Variants in TRPM3 observed in about 807,000 individuals in gnomAD.
TRPM3 encodes transient receptor potential cation channel subfamily M member 3, also known as long transient receptor potential channel 3.
In TRPM3, 77 loss-of-function variants were observed where a neutral mutation model predicts 181.2. The observed-to-expected ratio is 0.42, with a 90% CI of 0.35 to 0.51. The LOEUF (loss-of-function observed/expected upper bound fraction) is 0.51. TRPM3 is among the 20% of genes least tolerant of loss of function. The probability of loss-of-function intolerance (pLI) is 0.01; values close to 1 mark genes in which losing one functional copy is unlikely to be tolerated. For missense variants in TRPM3, 1,759 were observed against 2,196.7 expected, an observed-to-expected ratio of 0.80 and a Z score of 3.98; for synonymous variants, 745 against 796.4, an observed-to-expected ratio of 0.94 and a Z score of 1.09.
At chr9:71,258,223 G>A (rs2082796733) in intron 1 of TRPM3, among the ~76,000 whole-genome samples, 1 of 152,126 alleles carries the variant, frequency 6.6e-6, no homozygotes. Flanking sequence ...ACATTATACA[G>A]TGAATGCTGT....
At chr9:70,576,261 G>A (rs954551985) in intron 22 of TRPM3, among the ~76,000 whole-genome samples, 1 of 152,172 alleles carries the variant, frequency 6.6e-6, no homozygotes, top group Non-Finnish European at 1.5e-5. Context: ...CTCCCTTCCT[G>A]ATTTCCTAAT....
At chr9:71,025,458 C>T (rs992972267) in intron 1 of TRPM3, among the ~76,000 whole-genome samples, 2 of 152,158 alleles carry the variant, frequency 1.3e-5, no homozygotes, top group African/African-American at 4.8e-5. Flanking sequence ...TTTTCTTAAA[C>T]GTATGGGCAT....
intron 1 of TRPM3, among the ~76,000 whole-genome samples, chr9:70,888,646 C>A (rs2096137093): frequency 6.6e-6 from 1 of 152,062 alleles, no homozygotes. Context: ...TGTATCATAT[C>A]CTCTTCCTGA....
intron 1 of TRPM3, among the ~76,000 whole-genome samples, chr9:71,413,763 G>A (rs960970093): frequency 6.6e-6 from 1 of 152,040 alleles, no homozygotes; most frequent in Admixed American, 6.6e-5. Context: ...TAGCATTCAA[G>A]GTGCCATTTT....
intron 1 of TRPM3, among the ~76,000 whole-genome samples, chr9:71,001,078 T>C (rs562193740): frequency 3.3e-5 from 5 of 152,274 alleles, no homozygotes; most frequent in South Asian, 2.1e-4. Flanking sequence ...ACAGGAGAGA[T>C]TGGTGTAGCA....
intron 24 of TRPM3, among the ~76,000 whole-genome samples, chr9:70,549,909 G>A (rs2046052366): frequency 6.6e-6 from 1 of 152,170 alleles, no homozygotes; most frequent in African/African-American, 2.4e-5. Flanking sequence ...CTGGTTTACT[G>A]CAGGAGCTGA....
Position 70,860,943 on chromosome 9 carries a change from A to T in TRPM3, c.462+1965T>A, listed in dbSNP as rs528186628. Among the ~76,000 whole-genome samples the T allele has an allele frequency of 2.6e-5, 4 of 152,262 alleles. No individual in the cohort carries two copies. The South Asian group carries it at 8.3e-4, about 32-fold the overall frequency. On this transcript the variant is annotated intron_variant, in intron 3 of 25. Transcript: ENST00000677713. ...GAATACAATTACTGAGGCTCAGAAA[A>T]TTTAAGTAATTTTCTCCATGTCATA...
chr9:70,996,570 G>T (rs923227668), intron 1 of TRPM3, among the ~76,000 whole-genome samples: 1 of 152,204 alleles, frequency 6.6e-6, no homozygotes, highest in African/African-American at 2.4e-5. Context: ...CAGATTATGT[G>T]CAAGGCCAAC....
intron 1 of TRPM3, among the ~76,000 whole-genome samples, chr9:71,056,675 A>G (rs918865962): frequency 1.3e-5 from 2 of 152,094 alleles, no homozygotes; most frequent in Admixed American, 1.3e-4. Flanking sequence ...TAGGACACAG[A>G]CAGGCATAGA....
intron 7 of TRPM3, among the ~76,000 whole-genome samples, chr9:70,781,325 A>G (rs1488462050): frequency 6.9e-5 from 4 of 57,562 alleles, no homozygotes; most frequent in Admixed American, 5.6e-4. Context: ...ATTCCATTTC[A>G]TAAAAAAAAA....
At chr9:71,408,475 G>A (rs369432426) in intron 1 of TRPM3, among the ~76,000 whole-genome samples, 16 of 152,254 alleles carry the variant, frequency 1.1e-4, no homozygotes, top group African/African-American at 2.4e-4. Context: ...TTCAGTAGCC[G>A]ATTCAATCAA....
At chr9:70,962,823 A>T (rs2097149900) in intron 1 of TRPM3, among the ~76,000 whole-genome samples, 1 of 152,156 alleles carries the variant, frequency 6.6e-6, no homozygotes, top group Admixed American at 6.6e-5. Context: ...AACTGCAAAA[A>T]GTGATTTTGA....
Position 70,941,286 on chromosome 9 carries a change from C to T in TRPM3, c.178-76775G>A, listed in dbSNP as rs528372819. Among the ~76,000 whole-genome samples, 50 of 152,190 alleles carry T rather than the reference C, an allele frequency of 3.3e-4. No homozygotes were observed. The South Asian group carries it at 9.8e-3, about 30-fold the overall frequency. ...AGAGCAGACTTGCTGAGTCTTCTAG[C>T]CTTCATCTTTTTTTCATGCTGGATG... On this transcript the variant is annotated intron_variant, in intron 1 of 25. Coordinates refer to ENST00000677713, the MANE Select transcript of TRPM3 (RefSeq NM_001366145.2).
intron 22 of TRPM3, among the ~76,000 whole-genome samples, chr9:70,558,066 T>C (rs937850308): frequency 1.3e-5 from 2 of 152,158 alleles, no homozygotes; most frequent in Non-Finnish European, 2.9e-5. Flanking sequence ...GATGGACATG[T>C]GACCCACACC....
intron 1 of TRPM3, among the ~76,000 whole-genome samples, chr9:71,385,025 C>G (rs2132899384): frequency 6.6e-6 from 1 of 152,262 alleles, no homozygotes; most frequent in African/African-American, 2.4e-5. Flanking sequence ...TGAGATACCT[C>G]AGTTGAGACA....
intron 11 of TRPM3, 58 bp downstream of exon 11, chr9:70,639,002 G>C (rs754533688): frequency 1.9e-6 from 3 of 1,580,080 alleles, no homozygotes; most frequent in Non-Finnish European, 2.6e-6. Flanking sequence ...TGGGGGGCAG[G>C]AGAAGGTAAA....
At chr9:71,391,195 C>CT (rs2093054247) in intron 1 of TRPM3, among the ~76,000 whole-genome samples, 1 of 151,958 alleles carries the variant, frequency 6.6e-6, no homozygotes, top group Non-Finnish European at 1.5e-5. Flanking sequence ...TCCTTGAAAT[C>CT]TTTTACATGT....
chr9:71,125,230 T>C (rs2073958562), upstream of TRPM3, among the ~76,000 whole-genome samples: 1 of 152,184 alleles, frequency 6.6e-6, no homozygotes, highest in African/African-American at 2.4e-5. Flanking sequence ...AGTTCCAGTA[T>C]ACACGTGCAG....
intron 6 of TRPM3, 24 bp from the exon 7 acceptor site, chr9:70,784,303 A>G (rs776100845): frequency 6.4e-7 from 1 of 1,556,984 alleles, no homozygotes; most frequent in South Asian, 1.2e-5. Context: ...GGAAAAGAAA[A>G]GGAAAAAAAG....
Sources: gnomAD v4.1 joint callset for allele counts (sites outside exome capture counted in the v4.1 genomes callset) on GRCh38, gnomAD v4.1.1 for gene constraint, MANE v1.5 for transcripts, NCBI Gene and HGNC (gene_info 2026-07-23, HGNC 2026-07-21) for gene names.